CFAP43: variants seen among roughly 807,000 people sequenced by gnomAD.
CFAP43 encodes cilia and flagella associated protein 43.
In CFAP43, 155 loss-of-function variants were observed where a neutral mutation model predicts 218.9. The ratio of observed to expected loss-of-function variants is 0.71; its 90% confidence interval spans 0.62 to 0.81. The LOEUF is 0.81. CFAP43 is among the 30% of genes least tolerant of loss of function. The pLI is 0.00. For synonymous variants in CFAP43, 645 were observed against 681.3 expected, an observed-to-expected ratio of 0.95 and a Z score of 0.83; for missense variants, 1,778 against 1,954.3, an observed-to-expected ratio of 0.91 and a Z score of 1.70.
At chr10:104,149,105 T>C (rs2088121958) in intron 28 of CFAP43, among the ~76,000 whole-genome samples, 1 of 152,250 alleles carries the variant, frequency 6.6e-6, no homozygotes, top group Admixed American at 6.5e-5. Flanking sequence ...AGTCTGGTTT[T>C]AATGCCTGTA....
At chr10:104,193,661 G>C in intron 11 of CFAP43, 2 of 553,286 alleles carry the variant, frequency 3.6e-6, no homozygotes, top group South Asian at 5.8e-5. Context: ...TTGGTACCAG[G>C]CTGCCTGCAA....
chr10:104,175,333 G>C (rs184912548), intron 19 of CFAP43, among the ~76,000 whole-genome samples: 1 of 152,204 alleles, frequency 6.6e-6, no homozygotes, highest in East Asian at 1.9e-4. Context: ...GATGAGGTGA[G>C]AGGAATGCTT....
chr10:104,205,778 T>C (rs74154753), intron 7 of CFAP43, among the ~76,000 whole-genome samples, 185 bp downstream of exon 7: 156 of 152,320 alleles, frequency 1.0e-3, no homozygotes, highest in African/African-American at 3.7e-3. Context: ...TCGTCCCCTC[T>C]ATTTTGTATA....
Sources: gnomAD v4.1 joint callset for allele counts (sites outside exome capture counted in the v4.1 genomes callset) on GRCh38, gnomAD v4.1.1 for gene constraint, MANE v1.5 for transcripts, NCBI Gene and HGNC (gene_info 2026-07-23, HGNC 2026-07-21) for gene names.